The following TRHDE variants were observed in gnomAD, a reference collection of about 807,000 sequenced individuals.
TRHDE encodes thyrotropin releasing hormone degrading enzyme.
Under a neutral mutation model 125.7 loss-of-function variants are expected in TRHDE, and 72 were observed. The observed-to-expected ratio is 0.57, with a 90% CI of 0.47 to 0.70. The LOEUF (loss-of-function observed/expected upper bound fraction) is 0.70, where lower values mean the gene tolerates loss of function less well. Among genes scored for constraint, TRHDE ranks in the 30% least tolerant of loss-of-function variants. The pLI, the probability that TRHDE is intolerant of heterozygous loss-of-function variation, is 0.00. For synonymous variants in TRHDE, 509 were observed against 509.1 expected (o/e 1.00, Z 0.00); for missense variants, 1,110 against 1,327.1 (o/e 0.84, Z 2.54).
chr12:72,396,279 G>A (rs1262818800), intron 3 of TRHDE, among the ~76,000 whole-genome samples: 1 of 152,106 alleles, frequency 6.6e-6, no homozygotes, highest in Non-Finnish European at 1.5e-5. Flanking sequence ...ATATTCTTCA[G>A]AATGTTTTCT....
intron 6 of TRHDE, among the ~76,000 whole-genome samples, chr12:72,517,023 AT>A (rs1441857194): frequency 2.6e-5 from 4 of 151,928 alleles, no homozygotes; most frequent in African/African-American, 9.7e-5. Context: ...AAGCTTTTTG[AT>A]GTGCTGCTGG....
chr12:72,596,170 A>G (rs547786725), intron 12 of TRHDE, among the ~76,000 whole-genome samples: 40 of 152,210 alleles, frequency 2.6e-4, no homozygotes, highest in African/African-American at 9.4e-4. Context: ...TAATCCTTCC[A>G]GTATGCAAAA....
intron 2 of TRHDE, among the ~76,000 whole-genome samples, chr12:72,185,457 CT>C (rs1249541471): frequency 6.6e-6 from 1 of 152,258 alleles, no homozygotes; most frequent in Non-Finnish European, 1.5e-5. Flanking sequence ...TGGCAGGCAG[CT>C]CCACCTGCAG....
At chr12:72,517,168 T>C (rs1878912449) in intron 6 of TRHDE, among the ~76,000 whole-genome samples, 1 of 151,616 alleles carries the variant, frequency 6.6e-6, no homozygotes, top group Non-Finnish European at 1.5e-5. Context: ...TAAAATGAGT[T>C]AGGGAGGATT....
chr12:72,634,770 T>C (rs1416494504), intron 15 of TRHDE, among the ~76,000 whole-genome samples: 3 of 150,922 alleles, frequency 2.0e-5, no homozygotes, highest in Non-Finnish European at 3.0e-5. Flanking sequence ...TTTGTTCTTG[T>C]GATAGTTTAC....
At chr12:72,633,627 ACC>A (rs1307269014) in intron 15 of TRHDE, among the ~76,000 whole-genome samples, 1 of 152,130 alleles carries the variant, frequency 6.6e-6, no homozygotes, top group Middle Eastern at 3.4e-3. Flanking sequence ...TGATCTTTCC[ACC>A]CATCACTGAC....
chr12:72,520,401 T>C (rs1879131908), intron 6 of TRHDE, among the ~76,000 whole-genome samples: 1 of 152,154 alleles, frequency 6.6e-6, no homozygotes, highest in Non-Finnish European at 1.5e-5. Context: ...GTGACCTGAT[T>C]TTCCAGGTGC....
intron 6 of TRHDE, among the ~76,000 whole-genome samples, chr12:72,510,904 C>G (rs748824119): frequency 1.3e-5 from 2 of 151,956 alleles, no homozygotes; most frequent in Non-Finnish European, 2.9e-5. Context: ...ATATGTCCAC[C>G]CTGGAGGATA....
intron 15 of TRHDE, among the ~76,000 whole-genome samples, chr12:72,647,509 CAAGAT>C (rs763092795): frequency 2.9e-4 from 44 of 151,534 alleles, no homozygotes; most frequent in Non-Finnish European, 6.0e-4. Flanking sequence ...ATAAATCAGA[CAAGAT>C]AAAATTGATA....
intron 2 of TRHDE, among the ~76,000 whole-genome samples, chr12:72,222,260 T>G (rs545110431): frequency 6.6e-6 from 1 of 152,210 alleles, no homozygotes; most frequent in African/African-American, 2.4e-5. Context: ...GAAGAGTATG[T>G]GGAATGAGAG....
At chr12:72,377,813 A>G (rs576638687) in intron 2 of TRHDE, among the ~76,000 whole-genome samples, 182 bp from the exon 3 acceptor site, 1 of 152,176 alleles carries the variant, frequency 6.6e-6, no homozygotes, top group Admixed American at 6.5e-5. Context: ...TGGTTACTTC[A>G]ATTACTTCAA....
intron 12 of TRHDE, among the ~76,000 whole-genome samples, chr12:72,591,170 C>A (rs1871660704): frequency 1.3e-5 from 2 of 152,060 alleles, no homozygotes; most frequent in South Asian, 4.1e-4. Flanking sequence ...ATGGAAAAAC[C>A]CACCCCCATG....
chr12:72,199,103 G>A (rs567275249), intron 2 of TRHDE, among the ~76,000 whole-genome samples: 1 of 152,196 alleles, frequency 6.6e-6, no homozygotes, highest in Admixed American at 6.5e-5. Context: ...CCCAACATGG[G>A]GAATTACAAT....
Position 72,670,252 on chromosome 12 carries a change from C to G in TRHDE, c.*7057C>G. 1 of 151,706 alleles carries G rather than the reference C, an allele frequency of 6.6e-6. No individual in the cohort carries two copies. Among genetic ancestry groups the G allele is most frequent in the Middle Eastern group, 3.2e-3 (1 of 312 alleles). 9.4% of individuals were successfully genotyped at this position (151,706 alleles called of 1,614,324 possible). ...AATAAAGCAGTGACCAAATAAATAA[C>G]CTTTTGTTAGTTTAGCAGATAAATG... On this transcript the variant is annotated 3_prime_UTR_variant, in exon 19 of 19. Transcript: ENST00000261180.
chr12:72,265,124 T>C (rs1879036370), intron 2 of TRHDE, among the ~76,000 whole-genome samples: 1 of 150,156 alleles, frequency 6.7e-6, no homozygotes, highest in Non-Finnish European at 1.5e-5. Context: ...TTAATACAAA[T>C]GTAAAAAAAA....
At chr12:72,108,674 G>T (rs1271546154) in intron 2 of TRHDE, among the ~76,000 whole-genome samples, 1 of 151,984 alleles carries the variant, frequency 6.6e-6, no homozygotes, top group Non-Finnish European at 1.5e-5. Flanking sequence ...TGGTGTTCTG[G>T]TGCAGTTCAG....
chr12:72,560,940 T>C (rs918829297), intron 7 of TRHDE, among the ~76,000 whole-genome samples: 2 of 152,362 alleles, frequency 1.3e-5, no homozygotes, highest in East Asian at 1.9e-4. Flanking sequence ...AAGTTAAATC[T>C]GAAATAGTTA....
At chr12:72,370,330 C>T (rs1369853776) in intron 2 of TRHDE, among the ~76,000 whole-genome samples, 1 of 152,164 alleles carries the variant, frequency 6.6e-6, no homozygotes, top group East Asian at 1.9e-4. Context: ...TGGACTTCTA[C>T]AATAGTCTAA....
chr12:72,241,332 G>A (rs895632371), intron 2 of TRHDE, among the ~76,000 whole-genome samples: 1 of 151,954 alleles, frequency 6.6e-6, no homozygotes, highest in Non-Finnish European at 1.5e-5. Flanking sequence ...TAACTCCTGG[G>A]GACTGCTGAT....
Sources: allele counts gnomAD v4.1 joint callset (sites outside exome capture counted in the v4.1 genomes callset), GRCh38; gene constraint gnomAD v4.1.1; transcripts MANE v1.5; gene names NCBI Gene and HGNC (gene_info 2026-07-23, HGNC 2026-07-21).